Variants in TUFT1 observed in about 807,000 individuals in gnomAD.
TUFT1 encodes the protein tuftelin 1.
TUFT1 carries 43 observed loss-of-function variants against 57.8 expected under a neutral mutation model. That is an observed-to-expected ratio of 0.74 (90% confidence interval 0.58 to 0.96). The LOEUF is 0.96. TUFT1 is among the 40% of genes least tolerant of loss of function. TUFT1 has a pLI of 0.00. For synonymous variants in TUFT1, 166 were observed against 176.7 expected (o/e 0.94, Z 0.48); for missense variants, 459 against 489.0 (o/e 0.94, Z 0.58).
intron 4 of TUFT1, among the ~76,000 whole-genome samples, chr1:151,564,233 C>T (rs1665992119): frequency 6.6e-6 from 1 of 152,164 alleles, no homozygotes; most frequent in Non-Finnish European, 1.5e-5. Context: ...AAATTACCAG[C>T]CACTTTTCAC....
At chr1:151,568,811 C>G (rs1278995672) in intron 6 of TUFT1, among the ~76,000 whole-genome samples, 2 of 152,140 alleles carry the variant, frequency 1.3e-5, no homozygotes, top group Admixed American at 1.3e-4. Context: ...AAAGCTGTAC[C>G]GGATGTTATC....
At chr1:151,559,897 G>A (rs1259719522) in intron 1 of TUFT1, among the ~76,000 whole-genome samples, 1 of 151,812 alleles carries the variant, frequency 6.6e-6, no homozygotes, top group African/African-American at 2.4e-5. Context: ...TGGTTCAAGC[G>A]ATTCTCCTGC....
intron 9 of TUFT1, among the ~76,000 whole-genome samples, chr1:151,577,197 C>G (rs753393144): frequency 7.9e-5 from 12 of 152,144 alleles, no homozygotes; most frequent in Non-Finnish European, 1.3e-4. Flanking sequence ...AGCTCTGAAC[C>G]CCTTTGTTTA....
intron 1 of TUFT1, among the ~76,000 whole-genome samples, chr1:151,541,978 C>G (rs186483256): frequency 1.7e-4 from 26 of 152,296 alleles, no homozygotes; most frequent in African/African-American, 5.8e-4. Context: ...TCCTGAGTAG[C>G]TGGGACTTCA....
chr1:151,573,968 G>A (rs3748609), intron 7 of TUFT1, among the ~76,000 whole-genome samples: 82,422 of 151,924 alleles, frequency 0.54, 24,799 homozygotes, highest in Middle Eastern at 0.7. Flanking sequence ...TGGTGGTGGA[G>A]GGTTCATGGG....
chr1:151,582,415 CTCTT>C lies in TUFT1; in HGVS notation c.*710_*713del. Reference sequence around the variant, plus strand: ...TCTCTGCTGTGAAAACTCCCAGAGTCTCTTTAGGGATTTTCCCTAAGGTGTACCA... The same window carrying C: ...TCTCTGCTGTGAAAACTCCCAGAGTCTAGGGATTTTCCCTAAGGTGTACCA... On this transcript the variant is annotated 3_prime_UTR_variant, in exon 13 of 13. Transcript: ENST00000368849. 2.8e-6 allele frequency: 1 copy of C among 351,122 alleles called. No homozygotes were observed. The allele number at this position is 351,122 out of a possible 1,614,324, so 21.8% of individuals were successfully genotyped here.
intron 1 of TUFT1, among the ~76,000 whole-genome samples, chr1:151,545,314 CA>C: frequency 6.7e-6 from 1 of 150,220 alleles, no homozygotes; most frequent in East Asian, 2.0e-4. Flanking sequence ...CCGTCTCAAA[CA>C]AACAAAAAAA....
At chr1:151,557,978 G>C in intron 1 of TUFT1, 3 of 471,540 alleles carry the variant, frequency 6.4e-6, no homozygotes, top group East Asian at 5.5e-5. Flanking sequence ...TAAACTTACA[G>C]CAAAAAAACT....
rs6683389 is a variant in TUFT1 at position 151,552,693 on chromosome 1, G to C, written c.61-9398G>C. Among the ~76,000 whole-genome samples, 265 of 105,084 alleles carry C rather than the reference G, an allele frequency of 2.5e-3. 1 individual carries two copies. Among genetic ancestry groups the C allele is most frequent in the African/African-American group, 9.0e-3 (248 of 27,564 alleles). 68.9% of individuals were successfully genotyped at this position (105,084 alleles called of 152,430 possible). On this transcript the variant is annotated intron_variant, in intron 1 of 12. Coordinates refer to ENST00000368849, the MANE Select transcript of TUFT1 (RefSeq NM_020127.3). ...CACTCCAGCCTGGCCGACAGAGCGA[G>C]AGGGACTCTGTCTCAAAAAAAAAAA...
At chr1:151,562,564 C>CTT in intron 2 of TUFT1, 21 bp from the exon 3 acceptor site, 6 of 1,452,110 alleles carry the variant, frequency 4.1e-6, no homozygotes, top group Non-Finnish European at 5.8e-6. Flanking sequence ...CTCTCTCTCT[C>CTT]TCTCATCTCT....
chr1:151,573,603 G>A (rs888220499), intron 7 of TUFT1, among the ~76,000 whole-genome samples: 1 of 152,156 alleles, frequency 6.6e-6, no homozygotes, highest in African/African-American at 2.4e-5. Flanking sequence ...AATTAGCTGG[G>A]CGTGGTGGCA....
At chr1:151,557,353 C>A in intron 1 of TUFT1, 1 of 601,912 alleles carries the variant, frequency 1.7e-6, no homozygotes, top group Non-Finnish European at 3.0e-6. Context: ...CCACATCAGA[C>A]ATTGTTATAC....
At chr1:151,580,783 T>G (rs776612808) in intron 11 of TUFT1, among the ~76,000 whole-genome samples, 159 bp from the exon 12 acceptor site, 2 of 151,486 alleles carry the variant, frequency 1.3e-5, no homozygotes, top group Non-Finnish European at 2.9e-5. Flanking sequence ...TCTATGGTAA[T>G]GAAGATGAGG....
At chr1:151,569,219 T>C (rs1346247336) in intron 6 of TUFT1, among the ~76,000 whole-genome samples, 1 of 152,222 alleles carries the variant, frequency 6.6e-6, no homozygotes, top group Non-Finnish European at 1.5e-5. Context: ...GATGTGCTTT[T>C]GGACCACTCC....
intron 1 of TUFT1, among the ~76,000 whole-genome samples, chr1:151,547,524 C>A (rs914287914): frequency 6.6e-6 from 1 of 152,122 alleles, no homozygotes; most frequent in African/African-American, 2.4e-5. Context: ...CAGATTTAAG[C>A]CTGGCCAGCA....
chr1:151,576,698 T>C (rs1040956185), intron 9 of TUFT1, among the ~76,000 whole-genome samples: 9 of 152,252 alleles, frequency 5.9e-5, no homozygotes, highest in African/African-American at 2.2e-4. Flanking sequence ...AGTGGTGCAA[T>C]CTCGGCTCAC....
chr1:151,540,530 G>A (rs1665127682), intron 1 of TUFT1, 104 bp downstream of exon 1: 5 of 1,345,726 alleles, frequency 3.7e-6, no homozygotes, highest in African/African-American at 1.4e-5. Context: ...CCTGGTGCCC[G>A]GCTCGCGCGG....
chr1:151,563,875 T>G (rs1375286632), intron 3 of TUFT1, 29 bp from the exon 4 acceptor site: 1 of 1,588,330 alleles, frequency 6.3e-7, no homozygotes, highest in Non-Finnish European at 8.6e-7. Flanking sequence ...AATTTGAGGT[T>G]TCTTAACTAA....
chr1:151,578,962 G>T, intron 10 of TUFT1, 136 bp downstream of exon 10: 1 of 660,560 alleles, frequency 1.5e-6, no homozygotes, highest in South Asian at 1.8e-5. Context: ...ACCAGGTTCA[G>T]GTTATTAGGA....
Sources: allele counts gnomAD v4.1 joint callset (sites outside exome capture counted in the v4.1 genomes callset), GRCh38; gene constraint gnomAD v4.1.1; transcripts MANE v1.5; gene names NCBI Gene and HGNC (gene_info 2026-07-23, HGNC 2026-07-21).